SH3RF3: variants seen among roughly 807,000 people sequenced by gnomAD.
SH3RF3 encodes E3 ubiquitin-protein ligase SH3RF3.
In SH3RF3, 29 loss-of-function variants were observed where a neutral mutation model predicts 66.3. The ratio of observed to expected loss-of-function variants is 0.44; its 90% confidence interval spans 0.33 to 0.60. SH3RF3 has a LOEUF of 0.60. Ranked by LOEUF, SH3RF3 falls within the 20% of genes least tolerant of loss-of-function variation. SH3RF3 has a pLI of 0.04. For missense variants in SH3RF3, 1,194 were observed against 1,190.9 expected, an observed-to-expected ratio of 1.00 and a Z score of -0.04; for synonymous variants, 583 against 532.0, an observed-to-expected ratio of 1.10 and a Z score of -1.32.
chr2:109,335,135 C>T (rs890604216), intron 1 of SH3RF3, among the ~76,000 whole-genome samples: 1 of 152,234 alleles, frequency 6.6e-6, no homozygotes, highest in Non-Finnish European at 1.5e-5. Flanking sequence ...GGAGCAGATT[C>T]GTCAGGACGT....
chr2:109,434,219 C>T (rs984964288), intron 6 of SH3RF3, among the ~76,000 whole-genome samples: 1 of 152,222 alleles, frequency 6.6e-6, no homozygotes, highest in Non-Finnish European at 1.5e-5. Context: ...GGCGGGTGTC[C>T]ACACCTCTGG....
intron 1 of SH3RF3, among the ~76,000 whole-genome samples, chr2:109,249,537 TTCCTTCCTTCCTTCCTTCC>T (rs1680022741): frequency 1.0e-5 from 1 of 97,038 alleles, no homozygotes; most frequent in Non-Finnish European, 2.2e-5. Context: ...CTTTCTTTCC[TTCCTTCCTTCCTTCCTTCC>T]TTCCTTCCTT....
chr2:109,413,153 C>T (rs566144701), intron 4 of SH3RF3, among the ~76,000 whole-genome samples: 2 of 152,324 alleles, frequency 1.3e-5, no homozygotes, highest in South Asian at 4.1e-4. Context: ...CTTGCTCTGT[C>T]GCCCAGGCTG....
At chr2:109,159,161 G>A (rs1677422787) in intron 1 of SH3RF3, among the ~76,000 whole-genome samples, 1 of 152,190 alleles carries the variant, frequency 6.6e-6, no homozygotes, top group African/African-American at 2.4e-5. Flanking sequence ...GTTCACCCAT[G>A]AGAAGGGGAC....
intron 1 of SH3RF3, among the ~76,000 whole-genome samples, chr2:109,280,630 A>C (rs1287442324): frequency 6.6e-6 from 1 of 152,238 alleles, no homozygotes; most frequent in African/African-American, 2.4e-5. Flanking sequence ...ACACTAATAG[A>C]TCTGCTCATC....
chr2:109,305,377 C>T (rs1416850530), intron 1 of SH3RF3, among the ~76,000 whole-genome samples: 1 of 152,064 alleles, frequency 6.6e-6, no homozygotes, highest in African/African-American at 2.4e-5. Flanking sequence ...GAGGCCCATA[C>T]AGGTGTCTCG....
chr2:109,319,370 G>C (rs931674636), intron 1 of SH3RF3, among the ~76,000 whole-genome samples: 1 of 152,252 alleles, frequency 6.6e-6, no homozygotes, highest in East Asian at 1.9e-4. Context: ...CCTGAGCTGT[G>C]TCTGCCTGTG....
intron 5 of SH3RF3, among the ~76,000 whole-genome samples, chr2:109,422,385 C>T (rs938558926): frequency 3.9e-5 from 6 of 152,156 alleles, no homozygotes; most frequent in African/African-American, 1.4e-4. Context: ...AAACATGAGC[C>T]CTTGAGATTA....
intron 8 of SH3RF3, among the ~76,000 whole-genome samples, chr2:109,471,206 CA>C (rs61224177): frequency 0.01 from 419 of 40,154 alleles, 1 homozygote; most frequent in East Asian, 0.047. Flanking sequence ...GACTCTGTCT[CA>C]AAAAAAAAAA....
chr2:109,426,252 C>T (rs1315498391), intron 5 of SH3RF3, among the ~76,000 whole-genome samples: 1 of 152,178 alleles, frequency 6.6e-6, no homozygotes, highest in African/African-American at 2.4e-5. Flanking sequence ...GATGGTGATT[C>T]CTCTCATGGA....
At chr2:109,323,264 G>A (rs772885876) in intron 1 of SH3RF3, among the ~76,000 whole-genome samples, 97 of 152,340 alleles carry the variant, frequency 6.4e-4, no homozygotes, top group Middle Eastern at 3.4e-3. Context: ...GTCATTGGGT[G>A]TATAGCAGGC....
intron 1 of SH3RF3, among the ~76,000 whole-genome samples, chr2:109,325,012 G>C (rs1462225846): frequency 6.6e-6 from 1 of 151,466 alleles, no homozygotes; most frequent in Non-Finnish European, 1.5e-5. Context: ...GAGGCCTTTG[G>C]CTTGCGTAAG....
At chr2:109,321,056 T>G (rs558069236) in intron 1 of SH3RF3, among the ~76,000 whole-genome samples, 3 of 152,110 alleles carry the variant, frequency 2.0e-5, no homozygotes, top group East Asian at 3.8e-4. Flanking sequence ...TGATAACTTA[T>G]AGACATGTAA....
At chr2:109,298,704 C>T (rs535568299) in intron 1 of SH3RF3, among the ~76,000 whole-genome samples, 2 of 152,230 alleles carry the variant, frequency 1.3e-5, no homozygotes, top group East Asian at 3.9e-4. Flanking sequence ...AGGTCCGTTT[C>T]CCCACACTGA....
chr2:109,243,506 GA>G (rs1176585802), intron 1 of SH3RF3, among the ~76,000 whole-genome samples: 1 of 152,196 alleles, frequency 6.6e-6, no homozygotes, highest in Non-Finnish European at 1.5e-5. Flanking sequence ...AAATGCTCAT[GA>G]AAAAAGTCAG....
At chr2:109,192,139 T>C (rs1273492003) in intron 1 of SH3RF3, among the ~76,000 whole-genome samples, 2 of 152,126 alleles carry the variant, frequency 1.3e-5, no homozygotes, top group Non-Finnish European at 2.9e-5. Flanking sequence ...CGGTACCCAA[T>C]ATTGGTTCTT....
chr2:109,344,992 G>GT (rs1205448250), intron 1 of SH3RF3, among the ~76,000 whole-genome samples: 4 of 152,166 alleles, frequency 2.6e-5, no homozygotes, highest in Admixed American at 6.5e-5. Context: ...GTGAAGGGGG[G>GT]TGTCAGGGAG....
chr2:109,473,630 G>T (rs1247872633), intron 8 of SH3RF3, among the ~76,000 whole-genome samples: 1 of 152,184 alleles, frequency 6.6e-6, no homozygotes, highest in African/African-American at 2.4e-5. Context: ...CAAGGTTCAA[G>T]GGGGAGGGAT....
chr2:109,143,807 T>TACAC (rs1261848743), intron 1 of SH3RF3, among the ~76,000 whole-genome samples: 390 of 88,506 alleles, frequency 4.4e-3, no homozygotes, highest in African/African-American at 0.011. Flanking sequence ...TGCTGTGCTG[T>TACAC]ATACACACAC....
Sources: gnomAD v4.1 joint callset for allele counts (sites outside exome capture counted in the v4.1 genomes callset) on GRCh38, gnomAD v4.1.1 for gene constraint, MANE v1.5 for transcripts, NCBI Gene and HGNC (gene_info 2026-07-23, HGNC 2026-07-21) for gene names.